The following CTNNA3 variants were observed in gnomAD, a reference collection of about 807,000 sequenced individuals.
The protein encoded by CTNNA3 is catenin alpha 3.
In CTNNA3, 76 loss-of-function variants were observed where a neutral mutation model predicts 95.7. The ratio of observed to expected loss-of-function variants is 0.79; its 90% CI spans 0.66 to 0.96. The LOEUF (loss-of-function observed/expected upper bound fraction) is 0.96. CTNNA3 is among the 40% of genes least tolerant of loss of function. The pLI is 0.00. For missense variants in CTNNA3, 1,191 were observed against 1,089.8 expected, an observed-to-expected ratio of 1.09 and a Z score of -1.31; for synonymous variants, 431 against 374.4, an observed-to-expected ratio of 1.15 and a Z score of -1.74.
Position 66,147,826 on chromosome 10 carries a change from T to C in CTNNA3, c.1885-44577A>G, listed in dbSNP as rs150727585. Among the ~76,000 whole-genome samples, 122 of 143,910 alleles carry C rather than the reference T, an allele frequency of 8.5e-4. 1 individual carries two copies. In the East Asian group the frequency reaches 0.023, roughly 27 times the overall value. The allele number at this position is 143,910 out of a possible 152,430, so 94.4% of individuals were successfully genotyped here. ...GTATGTATAGTATGCTATGTTTATA[T>C]TAGCATGTATGTATATTAATATGCT... On this transcript the variant is annotated intron_variant, in intron 13 of 17. Coordinates refer to ENST00000433211, the MANE Select transcript of CTNNA3 (RefSeq NM_013266.4).
intron 13 of CTNNA3, among the ~76,000 whole-genome samples, chr10:66,187,800 G>A (rs2086422264): frequency 6.6e-6 from 1 of 151,924 alleles, no homozygotes; most frequent in Non-Finnish European, 1.5e-5. Flanking sequence ...GGAAAAGGAG[G>A]CAGAGAGAGT....
chr10:67,139,299 A>AT (rs60290459), intron 7 of CTNNA3, among the ~76,000 whole-genome samples: 23,858 of 117,884 alleles, frequency 0.2, 2,785 homozygotes, highest in African/African-American at 0.34. Flanking sequence ...CGCCCGGCTA[A>AT]TTTTTTTTTT....
rs559917505 is a variant in CTNNA3 at position 66,491,591 on chromosome 10, C to T, written c.1531+29026G>A. Among the ~76,000 whole-genome samples, 6 of 152,028 alleles carry T rather than the reference C, an allele frequency of 3.9e-5. No homozygotes were observed. In the South Asian group the frequency reaches 1.2e-3, roughly 32 times the overall value. ...TAATTTCAGATCTCCTATATGAAGT[C>T]CTTTTTATTTCAGAATCCTTTTGCC... On this transcript the variant is annotated intron_variant, in intron 11 of 17. Transcript: ENST00000433211.
chr10:66,896,630 T>TC, intron 7 of CTNNA3, among the ~76,000 whole-genome samples: 1 of 152,312 alleles, frequency 6.6e-6, no homozygotes, highest in East Asian at 1.9e-4. Flanking sequence ...TTCCTTTTTT[T>TC]CCCTTTCTGG....
intron 7 of CTNNA3, among the ~76,000 whole-genome samples, chr10:67,068,499 TAGTG>T (rs1244521031): frequency 1.3e-5 from 2 of 152,104 alleles, no homozygotes; most frequent in Admixed American, 1.3e-4. Context: ...AACAGGTGAA[TAGTG>T]AGTGAGGTCT....
chr10:66,916,644 A>G (rs1005954573), intron 7 of CTNNA3, among the ~76,000 whole-genome samples: 2 of 152,202 alleles, frequency 1.3e-5, no homozygotes, highest in Non-Finnish European at 2.9e-5. Flanking sequence ...TCATTTGTTG[A>G]TAAGTGGAAA....
intron 10 of CTNNA3, among the ~76,000 whole-genome samples, chr10:66,527,377 T>C (rs1235046397): frequency 6.6e-6 from 1 of 152,150 alleles, no homozygotes; most frequent in Non-Finnish European, 1.5e-5. Context: ...TCAAGATTAT[T>C]TTGGCTACTC....
intron 9 of CTNNA3, among the ~76,000 whole-genome samples, chr10:66,686,533 C>T (rs1282189092): frequency 6.6e-6 from 1 of 152,110 alleles, no homozygotes; most frequent in East Asian, 1.9e-4. Context: ...TTCTTTTCTT[C>T]TCTCTACTGT....
chr10:66,954,487 G>A lies in CTNNA3; in HGVS notation c.1048-178963C>T, dbSNP rs182669003. Among the ~76,000 whole-genome samples, 4 of 152,084 alleles carry A rather than the reference G, an allele frequency of 2.6e-5. No homozygotes were observed. The East Asian group carries it at 7.7e-4, about 29-fold the overall frequency. Reference sequence around the variant, plus strand: ...CAGGAGAGCATGTTGTGCACTACACGGTCCCGCAATGGATTACAATATTAA... The same window carrying A: ...CAGGAGAGCATGTTGTGCACTACACAGTCCCGCAATGGATTACAATATTAA... On this transcript the variant is annotated intron_variant, in intron 7 of 17. Coordinates refer to ENST00000433211, the MANE Select transcript of CTNNA3 (RefSeq NM_013266.4).
At chr10:66,318,465 C>T (rs55708751) in intron 12 of CTNNA3, among the ~76,000 whole-genome samples, 2,765 of 151,986 alleles carry the variant, frequency 0.018, 40 homozygotes, top group Non-Finnish European at 0.03. Flanking sequence ...TCCATAGATA[C>T]CAATTACTCT....
intron 5 of CTNNA3, among the ~76,000 whole-genome samples, chr10:67,436,731 A>G (rs540434612): frequency 1.3e-5 from 2 of 152,334 alleles, no homozygotes; most frequent in Admixed American, 6.5e-5. Flanking sequence ...AATGCTCAAC[A>G]TAACTAATTA....
intron 7 of CTNNA3, among the ~76,000 whole-genome samples, chr10:67,025,153 A>AAAGG (rs1221696371): frequency 0.018 from 2,669 of 149,300 alleles, 106 homozygotes; most frequent in African/African-American, 0.063. Context: ...AAAAAGAAAG[A>AAAGG]AAGGAAGGAA....
chr10:66,797,770 A>G (rs1841266180), intron 7 of CTNNA3, among the ~76,000 whole-genome samples: 1 of 151,928 alleles, frequency 6.6e-6, no homozygotes, highest in East Asian at 1.9e-4. Context: ...ATTTGAAGAG[A>G]CAGAGGCAGG....
chr10:67,422,131 C>G (rs1336905100), intron 5 of CTNNA3, among the ~76,000 whole-genome samples: 4 of 152,070 alleles, frequency 2.6e-5, no homozygotes, highest in Non-Finnish European at 4.4e-5. Context: ...ATGCATGACC[C>G]TGGAATGGAT....
At chr10:66,722,690 A>G (rs528800050) in intron 9 of CTNNA3, among the ~76,000 whole-genome samples, 118 of 152,066 alleles carry the variant, frequency 7.8e-4, no homozygotes, top group African/African-American at 2.7e-3. Flanking sequence ...TCTGACATCA[A>G]CAGTGCATTC....
At chr10:66,516,770 T>C (rs1840873656) in intron 11 of CTNNA3, among the ~76,000 whole-genome samples, 1 of 152,202 alleles carries the variant, frequency 6.6e-6, no homozygotes, top group Non-Finnish European at 1.5e-5. Context: ...GAGAAACTGA[T>C]GAAAATCATC....
At chr10:67,069,432 GAAGTAT>G (rs1856298724) in intron 7 of CTNNA3, among the ~76,000 whole-genome samples, 1 of 151,948 alleles carries the variant, frequency 6.6e-6, no homozygotes, top group Non-Finnish European at 1.5e-5. Context: ...ACTTGTTTTT[GAAGTAT>G]AAGATTTTAT....
chr10:67,633,534 G>A (rs181705470), intron 2 of CTNNA3, among the ~76,000 whole-genome samples: 69 of 152,246 alleles, frequency 4.5e-4, no homozygotes, highest in Non-Finnish European at 9.3e-4. Context: ...GAAGGAGCAG[G>A]CTGCTGTCTT....
intron 15 of CTNNA3, among the ~76,000 whole-genome samples, chr10:66,038,961 GT>G (rs2079623860): frequency 6.6e-6 from 1 of 152,174 alleles, no homozygotes; most frequent in Non-Finnish European, 1.5e-5. Flanking sequence ...AACTATCCCT[GT>G]TTGCAGACCA....
Sources: gnomAD v4.1 joint callset for allele counts (sites outside exome capture counted in the v4.1 genomes callset) on GRCh38, gnomAD v4.1.1 for gene constraint, MANE v1.5 for transcripts, NCBI Gene and HGNC (gene_info 2026-07-23, HGNC 2026-07-21) for gene names.